ZC3H13: variants seen among roughly 807,000 people sequenced by gnomAD.
The protein encoded by ZC3H13 is zinc finger CCCH domain-containing protein 13.
A neutral mutation model predicts 204.1 loss-of-function variants in ZC3H13; 64 were observed. That is an observed-to-expected ratio of 0.31 (90% confidence interval 0.26 to 0.39). The LOEUF (loss-of-function observed/expected upper bound fraction) is 0.39. Ranked by LOEUF, ZC3H13 falls within the 10% of genes least tolerant of loss-of-function variation. The pLI, the probability that ZC3H13 is intolerant of heterozygous loss-of-function variation, is 1.00. For missense variants in ZC3H13, 1,833 were observed against 2,082.7 expected, an observed-to-expected ratio of 0.88 and a Z score of 2.33; for synonymous variants, 667 against 693.7, an observed-to-expected ratio of 0.96 and a Z score of 0.60.
At chr13:46,012,957 C>T (rs1173004015) in intron 5 of ZC3H13, among the ~76,000 whole-genome samples, 2 of 152,188 alleles carry the variant, frequency 1.3e-5, no homozygotes, top group African/African-American at 4.8e-5. Flanking sequence ...GAATGATTAA[C>T]AGTGTTTCTG....
chr13:45,969,771 C>T lies in ZC3H13; in HGVS notation c.2773G>A (p.Glu925Lys). The T allele has an allele frequency of 6.2e-7, 1 of 1,613,874 alleles. No homozygotes were observed. Among genetic ancestry groups the T allele is most frequent in the Non-Finnish European group, 8.5e-7 (1 of 1,180,020 alleles). ...CGCATTCTTGAGCTTTCCAGGATTT[C>T]TGTCTGTTCTCTCTGTTTATCTACA... Reference protein sequence around the residue: ...SSVDKQREQTEILESSRMRAQ... With the variant: ...SSVDKQREQTKILESSRMRAQ... Residue 925 changes from glutamate (E) to lysine (K), a missense_variant, in exon 14 of 19, where the codon GAA becomes AAA. Physicochemically the swap from Glu to Lys is moderately conservative, Grantham distance 56. Around this residue, in one of 5 missense-constraint regions of ZC3H13, gnomAD observed 1,574 missense variants for 1,757.2 expected, o/e 0.90. Coordinates refer to ENST00000679008, the MANE Select transcript of ZC3H13 (RefSeq NM_001330564.2).
At chr13:45,960,304 C>T (rs1373741371) in intron 17 of ZC3H13, among the ~76,000 whole-genome samples, 1 of 152,068 alleles carries the variant, frequency 6.6e-6, no homozygotes, top group African/African-American at 2.4e-5. Context: ...TTTAAAGAAA[C>T]GTTCAAGTTA....
At chr13:46,015,581 G>A (rs1446580342) in intron 5 of ZC3H13, among the ~76,000 whole-genome samples, 3 of 152,038 alleles carry the variant, frequency 2.0e-5, no homozygotes, top group African/African-American at 4.8e-5. Context: ...ACATTCTACT[G>A]CAATGATACT....
At chr13:45,982,758 A>C (rs889441226) in intron 10 of ZC3H13, among the ~76,000 whole-genome samples, 10 of 152,294 alleles carry the variant, frequency 6.6e-5, no homozygotes, top group Non-Finnish European at 1.3e-4. Flanking sequence ...GCTCTCAAAA[A>C]GTCTGGATTT....
chr13:45,975,152 T>A (rs958302360), intron 12 of ZC3H13, 131 bp downstream of exon 12: 1 of 1,408,342 alleles, frequency 7.1e-7, no homozygotes, highest in Non-Finnish European at 9.4e-7. Context: ...TATACTAAAT[T>A]TGAAAAACAG....
chr13:45,962,861 G>GTAT (rs1951792612), intron 17 of ZC3H13: 1 of 984,934 alleles, frequency 1.0e-6, no homozygotes, highest in South Asian at 4.7e-5. Context: ...CATTAATAAA[G>GTAT]TATTAGTAAG....
chr13:46,030,095 A>G (rs148029784), intron 4 of ZC3H13, among the ~76,000 whole-genome samples: 18 of 152,334 alleles, frequency 1.2e-4, no homozygotes, highest in Middle Eastern at 3.4e-3. Context: ...AATTAATGTA[A>G]CCCACCACAT....
intron 4 of ZC3H13, among the ~76,000 whole-genome samples, chr13:46,037,227 G>A (rs1407091608): frequency 6.6e-6 from 1 of 152,078 alleles, no homozygotes; most frequent in African/African-American, 2.4e-5. Flanking sequence ...ATAAAAAAAT[G>A]AAAATAAAAA....
intron 11 of ZC3H13, among the ~76,000 whole-genome samples, chr13:45,978,154 G>C (rs1206419860): frequency 6.6e-6 from 1 of 152,010 alleles, no homozygotes; most frequent in Non-Finnish European, 1.5e-5. Flanking sequence ...GCTCAGAATT[G>C]TGTTTGCTCC....
chr13:46,029,575 C>T (rs929723049), intron 4 of ZC3H13, among the ~76,000 whole-genome samples: 2 of 151,516 alleles, frequency 1.3e-5, no homozygotes, highest in African/African-American at 4.9e-5. Flanking sequence ...ACTACAGGCG[C>T]CCGCTACCAC....
chr13:45,975,517 C>T lies in ZC3H13; in HGVS notation c.2234G>A (p.Arg745Lys). The T allele has an allele frequency of 6.2e-7, 1 of 1,609,530 alleles. No homozygotes were observed. The highest frequency in any genetic ancestry group is 8.5e-7 in the Non-Finnish European group (1 of 1,177,982). The change falls in exon 12 of 19, where the codon AGG becomes AAG. Residue 745 changes from arginine to lysine, a missense_variant. By Grantham distance (26) the Arg-to-Lys change is conservative. Transcript: ENST00000679008. The part of the protein sequence containing the change: ...RERERERERD[R>K]EKEREREREE... ...TCTTTCTCGTTCCCGTTCTTTTTCC[C>T]TGTCTCGTTCCCTCTCTCTTTCCCG...
intron 12 of ZC3H13, among the ~76,000 whole-genome samples, chr13:45,971,722 G>A (rs559549563): frequency 1.3e-5 from 2 of 152,190 alleles, no homozygotes; most frequent in African/African-American, 2.4e-5. Flanking sequence ...ACAACCCATA[G>A]AATGGGAGAA....
chr13:45,972,379 G>C (rs1389415754), intron 12 of ZC3H13, among the ~76,000 whole-genome samples: 4 of 152,082 alleles, frequency 2.6e-5, no homozygotes, highest in African/African-American at 9.7e-5. Flanking sequence ...ACCTGTAAGT[G>C]AGAGCTAAGC....
chr13:45,966,455 T>G (rs147078532), intron 15 of ZC3H13, among the ~76,000 whole-genome samples: 266 of 152,292 alleles, frequency 1.7e-3, no homozygotes, highest in African/African-American at 5.9e-3. Context: ...GATTTTCAAC[T>G]TTTCAAGTTG....
Position 45,985,430 on chromosome 13 carries a change from A to G in ZC3H13, c.1587T>C (p.Tyr529=), listed in dbSNP as rs760628501. 9 of 1,614,198 alleles carry G rather than the reference A, an allele frequency of 5.6e-6. No homozygotes were observed. The Admixed American group carries it at 8.3e-5, about 15-fold the overall frequency. The change falls in exon 10 of 19, where the codon TAT becomes TAC. Residue 529 remains tyrosine (Y), a synonymous_variant. Coordinates refer to ENST00000679008, the MANE Select transcript of ZC3H13 (RefSeq NM_001330564.2). ...EDTYPEESRS[Y]GRNHLREESS... Reference sequence around the variant, plus strand: ...TTTCTTCTCTCAAATGGTTTCGGCCATAACTCCGGGATTCTTCTGGATATG... The same window carrying G: ...TTTCTTCTCTCAAATGGTTTCGGCCGTAACTCCGGGATTCTTCTGGATATG...
Position 45,969,414 on chromosome 13 carries a change from C to T in ZC3H13, c.3130G>A (p.Glu1044Lys), listed in dbSNP as rs1284315107. 6.2e-7 allele frequency: 1 copy of T among 1,614,080 alleles called. No homozygotes were observed. The highest frequency in any genetic ancestry group is 8.5e-7 in the Non-Finnish European group (1 of 1,179,988). ...ATACCATTCTTACCATTGCACATTT[C>T]AACCAATTCCTCTTTAGTTGTTATA... ...PPITTKEELV[E>K]MCNGKNGILE... Residue 1044 changes from glutamate to lysine, a missense_variant, in exon 14 of 19, where the codon GAA becomes AAA. Transcript: ENST00000679008.
intron 1 of ZC3H13, among the ~76,000 whole-genome samples, chr13:46,048,334 T>A (rs904210981): frequency 1.2e-4 from 18 of 151,992 alleles, no homozygotes; most frequent in African/African-American, 3.9e-4. Flanking sequence ...TCCCAGCACT[T>A]TGGGAGGCCG....
At position 45,965,353 on chromosome 13, in the gene ZC3H13, A is replaced by G. The variant is rs1273313450; in HGVS notation, c.4401T>C (p.Asp1467=). 2 of 1,613,758 alleles carry G rather than the reference A, an allele frequency of 1.2e-6. No homozygotes were observed. The highest frequency in any genetic ancestry group is 1.7e-6 in the Non-Finnish European group (2 of 1,179,794). The stretch of plus-strand genomic sequence containing the variant: ...CTGCCAGAATTTCATCTAGTTCGTC[A>G]TCACTGATTGGCTCGTATCCTTCTC... ...GAGEGYEPIS[D]DELDEILAGD... is the part of the protein sequence containing the mutation. Residue 1467 remains aspartate, a synonymous_variant, in exon 16 of 19, where the codon GAT becomes GAC. Transcript: ENST00000679008.
intron 2 of ZC3H13, 102 bp from the exon 3 acceptor site, chr13:46,045,166 C>T (rs2043860347): frequency 1.8e-6 from 2 of 1,114,714 alleles, no homozygotes; most frequent in Non-Finnish European, 2.6e-6. Context: ...TTCCAGCTAA[C>T]CTGTGATATA....
Sources: allele counts gnomAD v4.1 joint callset (sites outside exome capture counted in the v4.1 genomes callset), GRCh38; gene constraint gnomAD v4.1.1; regional missense constraint gnomAD v4.1.1; transcripts MANE v1.5; gene names NCBI Gene and HGNC (gene_info 2026-07-23, HGNC 2026-07-21).